The following MREG variants were observed in gnomAD, a reference collection of about 807,000 sequenced individuals.
MREG encodes the protein melanoregulin, also known as dilute suppressor protein homolog.
MREG carries 31 observed loss-of-function variants against 28.5 expected under a neutral mutation model. That is an observed-to-expected ratio of 1.09 (90% CI 0.82 to 1.47). The LOEUF (loss-of-function observed/expected upper bound fraction) is 1.47, where lower values mean the gene tolerates loss of function less well. Among genes scored for constraint, MREG ranks in the 40% most tolerant of loss-of-function variants. The probability of loss-of-function intolerance (pLI) is 0.00; values close to 1 mark genes in which losing one functional copy is unlikely to be tolerated. For synonymous variants in MREG, 106 were observed against 95.2 expected (o/e 1.11, Z -0.66); for missense variants, 256 against 257.4 (o/e 0.99, Z 0.04).
At chr2:215,947,255 G>C in intron 2 of MREG, 142 bp from the exon 3 acceptor site, 1 of 609,980 alleles carries the variant, frequency 1.6e-6, no homozygotes, top group Non-Finnish European at 2.9e-6. Flanking sequence ...GAAGGAGATG[G>C]ATGAGATAAA....
At chr2:216,015,850 G>A (rs1392979367), upstream of MREG, among the ~76,000 whole-genome samples, 9 of 152,310 alleles carry the variant, frequency 5.9e-5, 2 homozygotes, top group South Asian at 1.9e-3. Context: ...AAACTTGGAG[G>A]CTGAATCTCC....
At chr2:215,945,798 G>T in intron 3 of MREG, 64 bp from the exon 4 acceptor site, 1 of 1,398,860 alleles carries the variant, frequency 7.1e-7, no homozygotes, top group South Asian at 1.3e-5. Flanking sequence ...TCCGCAATAC[G>T]GTCCCTGCAG....
chr2:215,959,308 T>G (rs1692718031), intron 2 of MREG, among the ~76,000 whole-genome samples: 1 of 149,212 alleles, frequency 6.7e-6, no homozygotes, highest in African/African-American at 2.5e-5. Context: ...GTGGACGGGC[T>G]GCTGACATGT....
intron 1 of MREG, among the ~76,000 whole-genome samples, chr2:216,031,419 AG>A (rs1206594682): frequency 1.6e-5 from 1 of 63,562 alleles, no homozygotes; most frequent in African/African-American, 5.1e-5. Context: ...GAAGAAAGGA[AG>A]AAAGAAAGAA....
At chr2:215,960,662 C>T (rs140519603) in intron 2 of MREG, among the ~76,000 whole-genome samples, 2,392 of 151,844 alleles carry the variant, frequency 0.016, 56 homozygotes, top group African/African-American at 0.053. Context: ...GGTGAAACCC[C>T]GTCTCTACTA....
At chr2:216,021,539 G>C (rs561811807) in intron 1 of MREG, among the ~76,000 whole-genome samples, 2 of 152,274 alleles carry the variant, frequency 1.3e-5, no homozygotes, top group South Asian at 4.1e-4. Flanking sequence ...AACCCCAAAT[G>C]TGAGTGCCTC....
intron 1 of MREG, among the ~76,000 whole-genome samples, chr2:216,000,221 C>G (rs373330498): frequency 6.6e-6 from 1 of 152,228 alleles, no homozygotes; most frequent in South Asian, 2.1e-4. Context: ...TACTGCAGTG[C>G]TTGACTTCTT....
intron 2 of MREG, among the ~76,000 whole-genome samples, chr2:215,958,087 C>T (rs571127327): frequency 3.5e-5 from 5 of 142,882 alleles, no homozygotes; most frequent in Non-Finnish European, 4.5e-5. Context: ...AGGGGGACAT[C>T]ACACACCGGG....
intron 1 of MREG, among the ~76,000 whole-genome samples, chr2:216,004,934 A>G (rs1694110672): frequency 6.6e-6 from 1 of 152,186 alleles, no homozygotes; most frequent in Non-Finnish European, 1.5e-5. Context: ...AAAGTGAAGG[A>G]GTTATCCACA....
chr2:215,975,997 G>T (rs1175337348), intron 2 of MREG, among the ~76,000 whole-genome samples: 1 of 152,074 alleles, frequency 6.6e-6, no homozygotes, highest in Non-Finnish European at 1.5e-5. Context: ...CGTGGTATGG[G>T]GGAGCTGGGC....
At chr2:216,011,721 TA>T (rs34273858) in intron 1 of MREG, among the ~76,000 whole-genome samples, 99,962 of 151,890 alleles carry the variant, frequency 0.66, 33,085 homozygotes, top group Admixed American at 0.72. Flanking sequence ...GGAGAGCATC[TA>T]AGATTTTAAA....
upstream of MREG, among the ~76,000 whole-genome samples, chr2:216,017,544 T>C (rs554846764): frequency 6.6e-6 from 1 of 152,318 alleles, no homozygotes; most frequent in South Asian, 2.1e-4. Flanking sequence ...TGGTTCCTAC[T>C]GCCTGAGTTG....
At chr2:215,995,511 C>CCCCCCTG (rs146414052) in intron 2 of MREG, among the ~76,000 whole-genome samples, 1 of 136,124 alleles carries the variant, frequency 7.3e-6, no homozygotes, top group South Asian at 2.3e-4. Flanking sequence ...CCCACCCCAC[C>CCCCCCTG]CCCCGCCACC....
intron 2 of MREG, among the ~76,000 whole-genome samples, chr2:215,973,033 G>C (rs1166685798): frequency 6.6e-6 from 1 of 152,114 alleles, no homozygotes; most frequent in Non-Finnish European, 1.5e-5. Context: ...GGGTCCTTTG[G>C]GGGTGAGCCA....
chr2:216,015,148 T>C (rs1052702642), upstream of MREG, among the ~76,000 whole-genome samples: 12 of 55,016 alleles, frequency 2.2e-4, no homozygotes, highest in African/African-American at 1.6e-3. Flanking sequence ...CGTCTGTGCG[T>C]GCGTACGTGT....
chr2:216,017,536 G>C (rs1309088251), upstream of MREG, among the ~76,000 whole-genome samples: 2 of 152,156 alleles, frequency 1.3e-5, no homozygotes, highest in African/African-American at 4.8e-5. Flanking sequence ...GCGCTAGATG[G>C]TTCCTACTGC....
At chr2:215,972,597 T>C (rs1693132073) in intron 2 of MREG, among the ~76,000 whole-genome samples, 1 of 121,962 alleles carries the variant, frequency 8.2e-6, no homozygotes, top group South Asian at 2.5e-4. Context: ...GTCTAGCCAA[T>C]AGAGTGAGAC....
At chr2:216,005,861 A>T (rs1013144886) in intron 1 of MREG, among the ~76,000 whole-genome samples, 1 of 146,370 alleles carries the variant, frequency 6.8e-6, no homozygotes, top group African/African-American at 2.6e-5. Flanking sequence ...AAAAAAAAAA[A>T]GCTAAGTAAG....
intron 1 of MREG, among the ~76,000 whole-genome samples, chr2:216,011,836 A>C (rs1694319367): frequency 1.3e-5 from 2 of 152,236 alleles, no homozygotes; most frequent in African/African-American, 4.8e-5. Context: ...CATGTTACTA[A>C]GAGCCCTGAC....
Sources: gnomAD v4.1 joint callset for allele counts (sites outside exome capture counted in the v4.1 genomes callset) on GRCh38, gnomAD v4.1.1 for gene constraint, MANE v1.5 for transcripts, NCBI Gene and HGNC (gene_info 2026-07-23, HGNC 2026-07-21) for gene names.